The following SSBP3 variants were observed in gnomAD, a reference collection of about 807,000 sequenced individuals.
The protein encoded by SSBP3 is single-stranded DNA-binding protein 3.
A neutral mutation model predicts 69.6 loss-of-function variants in SSBP3; 5 were observed. The ratio of observed to expected loss-of-function variants is 0.07; its 90% CI spans 0.04 to 0.15. The LOEUF is 0.15. SSBP3 is among the 10% of genes least tolerant of loss of function. The pLI, the probability that SSBP3 is intolerant of heterozygous loss-of-function variation, is 1.00. For synonymous variants in SSBP3, 196 were observed against 193.4 expected (o/e 1.01, Z -0.11); for missense variants, 312 against 534.0 (o/e 0.58, Z 4.10).
intron 4 of SSBP3, among the ~76,000 whole-genome samples, chr1:54,358,651 G>A (rs568854583): frequency 1.3e-5 from 2 of 152,196 alleles, no homozygotes; most frequent in South Asian, 4.1e-4. Context: ...ACATCCGAAC[G>A]AACAACACTG....
At chr1:54,267,564 GAAGAA>G (rs1645123812) in intron 5 of SSBP3, among the ~76,000 whole-genome samples, 1 of 152,210 alleles carries the variant, frequency 6.6e-6, no homozygotes, top group African/African-American at 2.4e-5. Context: ...TCCTGGCAGA[GAAGAA>G]AAGGAAGGGG....
At chr1:54,307,541 T>G (rs1164739836) in intron 4 of SSBP3, among the ~76,000 whole-genome samples, 1 of 152,146 alleles carries the variant, frequency 6.6e-6, no homozygotes, top group African/African-American at 2.4e-5. Context: ...GTCAGGGGTG[T>G]GTGAACCAGA....
intron 4 of SSBP3, among the ~76,000 whole-genome samples, chr1:54,401,377 AAC>A (rs140889770): frequency 9.7e-4 from 142 of 146,454 alleles, no homozygotes; most frequent in Middle Eastern, 3.6e-3. Context: ...ACCCACACCA[AAC>A]ACACACACAC....
intron 5 of SSBP3, among the ~76,000 whole-genome samples, chr1:54,269,569 G>A (rs113535026): frequency 3.3e-5 from 5 of 152,216 alleles, no homozygotes; most frequent in South Asian, 2.1e-4. Flanking sequence ...AGCTAGATAC[G>A]CATGTTGGAC....
At chr1:54,287,813 C>T (rs777988346) in intron 4 of SSBP3, among the ~76,000 whole-genome samples, 1 of 152,126 alleles carries the variant, frequency 6.6e-6, no homozygotes, top group Non-Finnish European at 1.5e-5. Flanking sequence ...GAAGAGGATT[C>T]CTGGTTTCAT....
intron 14 of SSBP3, 109 bp from the exon 15 acceptor site, chr1:54,228,935 C>CCGGAGCAGGGG: frequency 8.9e-7 from 1 of 1,126,866 alleles, no homozygotes; most frequent in Non-Finnish European, 1.3e-6. Context: ...GGAACCCCTG[C>CCGGAGCAGGGG]TCCGGCAGGC....
At chr1:54,301,286 A>G (rs1018703694) in intron 4 of SSBP3, among the ~76,000 whole-genome samples, 1 of 152,112 alleles carries the variant, frequency 6.6e-6, no homozygotes. Context: ...TCAGAATCTC[A>G]TCAACAATAA....
rs939326223 is a variant in SSBP3, at chr1:54,288,118, T to C, written c.277-6591A>G. On this transcript the variant is annotated intron_variant, in intron 4 of 17. Coordinates refer to ENST00000610401, the Ensembl canonical transcript of SSBP3. ...TCAGAAGGGGGCGGGCTGTGATAAT[T>C]TGGGGTCGCTCCCAGCGGAGACATG... Among the ~76,000 whole-genome samples the C allele has an allele frequency of 7.9e-5, 12 of 152,082 alleles. No homozygotes were observed. The South Asian group carries it at 2.3e-3, about 29-fold the overall frequency.
At chr1:54,234,154 T>A (rs966618974) in intron 14 of SSBP3, among the ~76,000 whole-genome samples, 2 of 151,362 alleles carry the variant, frequency 1.3e-5, no homozygotes, top group Non-Finnish European at 2.9e-5. Flanking sequence ...GGCAGCATGC[T>A]CGTTAAGAGT....
intron 1 of SSBP3, among the ~76,000 whole-genome samples, chr1:54,411,859 TC>T (rs1650002136): frequency 2.2e-5 from 3 of 135,546 alleles, no homozygotes; most frequent in Non-Finnish European, 3.1e-5. Context: ...GTCACTGCAC[TC>T]CAGCCTGGGG....
intron 4 of SSBP3, among the ~76,000 whole-genome samples, chr1:54,373,306 C>T (rs949147088): frequency 1.3e-5 from 2 of 152,102 alleles, no homozygotes; most frequent in Non-Finnish European, 2.9e-5. Flanking sequence ...AATCAAGCGG[C>T]CTCTTCCCTG....
chr1:54,356,492 C>G (rs1424532388), intron 4 of SSBP3: 1 of 152,258 alleles, frequency 6.6e-6, no homozygotes, highest in African/African-American at 2.4e-5. Context: ...CTGCCCCTCC[C>G]GGCCAGGCCC....
chr1:54,253,186 G>GTTTT (rs1491370826), intron 7 of SSBP3, among the ~76,000 whole-genome samples: 2 of 115,172 alleles, frequency 1.7e-5, no homozygotes, highest in Admixed American at 8.5e-5. Context: ...TTTTTTTTTA[G>GTTTT]TTTTTGTTTT....
At chr1:54,372,858 G>A (rs1647157225) in intron 4 of SSBP3, among the ~76,000 whole-genome samples, 1 of 152,232 alleles carries the variant, frequency 6.6e-6, no homozygotes, top group Non-Finnish European at 1.5e-5. Context: ...CTGGAGAACG[G>A]TAGGGCCAGG....
intron 4 of SSBP3, among the ~76,000 whole-genome samples, chr1:54,306,117 AT>A (rs1645896734): frequency 1.3e-5 from 2 of 151,672 alleles, no homozygotes; most frequent in South Asian, 2.1e-4. Context: ...TCCTGGGTTC[AT>A]TTCTTATTCC....
chr1:54,316,679 AATAAAT>A (rs1646115613), intron 4 of SSBP3, among the ~76,000 whole-genome samples: 5 of 128,050 alleles, frequency 3.9e-5, no homozygotes, highest in African/African-American at 1.8e-4. Flanking sequence ...TAAATAAATA[AATAAAT>A]AAATAAATAA....
At chr1:54,240,075 T>C (rs866197663) in intron 13 of SSBP3, among the ~76,000 whole-genome samples, 81 of 26,712 alleles carry the variant, frequency 3.0e-3, no homozygotes, top group Admixed American at 4.8e-3. Flanking sequence ...TGTGTGTGTG[T>C]GTGTGTGTGT....
chr1:54,406,060 C>CCGCCGT, exon 1 of SSBP3: 1 of 1,418,334 alleles, frequency 7.1e-7, no homozygotes, highest in Non-Finnish European at 9.4e-7. Context: ...GCCGCCGCCG[C>CCGCCGT]TACCGCTCCG....
At chr1:54,253,514 G>A (rs569767336) in intron 7 of SSBP3, among the ~76,000 whole-genome samples, 2 of 152,262 alleles carry the variant, frequency 1.3e-5, no homozygotes, top group African/African-American at 4.8e-5. Flanking sequence ...TTTAGCACCT[G>A]CTGTTTCCGT....
Sources: allele counts gnomAD v4.1 joint callset (sites outside exome capture counted in the v4.1 genomes callset), GRCh38; gene constraint gnomAD v4.1.1; transcripts MANE v1.5; gene names NCBI Gene and HGNC (gene_info 2026-07-23, HGNC 2026-07-21).